The following MAGI2 variants were observed in gnomAD, a reference collection of about 807,000 sequenced individuals.
The protein encoded by MAGI2 is membrane associated guanylate kinase, WW and PDZ domain containing 2.
Under a neutral mutation model 133.3 loss-of-function variants are expected in MAGI2, and 35 were observed. The ratio of observed to expected loss-of-function variants is 0.26; its 90% CI spans 0.20 to 0.35. MAGI2 has a LOEUF of 0.35. Among genes scored for constraint, MAGI2 ranks in the 10% least tolerant of loss-of-function variants. The pLI is 1.00. For synonymous variants in MAGI2, 729 were observed against 710.6 expected (o/e 1.03, Z -0.41); for missense variants, 1,636 against 1,863.4 (o/e 0.88, Z 2.25).
At chr7:79,204,324 C>A (rs914234526) in intron 1 of MAGI2, among the ~76,000 whole-genome samples, 3 of 152,020 alleles carry the variant, frequency 2.0e-5, no homozygotes, top group African/African-American at 7.3e-5. Flanking sequence ...TGGCCCTGGG[C>A]TCAGGACAGC....
At chr7:78,666,802 T>C (rs1813640784) in intron 2 of MAGI2, among the ~76,000 whole-genome samples, 3 of 152,216 alleles carry the variant, frequency 2.0e-5, no homozygotes, top group Admixed American at 1.3e-4. Context: ...AGGTAGCGAA[T>C]GCTTTGCCTA....
chr7:78,960,043 A>G (rs1346870900), intron 2 of MAGI2, among the ~76,000 whole-genome samples: 1 of 152,154 alleles, frequency 6.6e-6, no homozygotes, highest in Non-Finnish European at 1.5e-5. Context: ...TACCTAGAGC[A>G]AGGATTCTAA....
intron 17 of MAGI2, chr7:78,134,786 C>T (rs1332302557): frequency 1.6e-5 from 7 of 432,560 alleles, no homozygotes; most frequent in Non-Finnish European, 2.9e-5. Flanking sequence ...ACTATTTAGC[C>T]TGCAATGTCA....
At chr7:78,915,392 G>C (rs1798709282) in intron 2 of MAGI2, among the ~76,000 whole-genome samples, 1 of 152,114 alleles carries the variant, frequency 6.6e-6, no homozygotes, top group Non-Finnish European at 1.5e-5. Flanking sequence ...GAGTTCCAGA[G>C]AGTGCAATTG....
chr7:79,197,556 A>C (rs886612510), intron 1 of MAGI2, among the ~76,000 whole-genome samples: 1 of 152,074 alleles, frequency 6.6e-6, no homozygotes, highest in African/African-American at 2.4e-5. Flanking sequence ...GTTGGTCTAC[A>C]TCTGGCTGGC....
chr7:78,342,553 C>G (rs1790500743), intron 9 of MAGI2, among the ~76,000 whole-genome samples: 1 of 152,178 alleles, frequency 6.6e-6, no homozygotes, highest in Admixed American at 6.5e-5. Flanking sequence ...AGACTTGGAA[C>G]CAACCTAAAT....
At chr7:78,915,142 G>A (rs575000752) in intron 2 of MAGI2, among the ~76,000 whole-genome samples, 9 of 152,088 alleles carry the variant, frequency 5.9e-5, no homozygotes, top group South Asian at 2.1e-4. Context: ...ATTTGCTCCC[G>A]CTATAATAAT....
At chr7:78,353,046 C>A (rs768210259) in intron 7 of MAGI2, 4 of 152,168 alleles carry the variant, frequency 2.6e-5, no homozygotes. Flanking sequence ...CTATCGATCC[C>A]TTTTCACTCC....
At chr7:79,342,655 T>G (rs1295209864) in intron 1 of MAGI2, among the ~76,000 whole-genome samples, 1 of 152,186 alleles carries the variant, frequency 6.6e-6, no homozygotes, top group Non-Finnish European at 1.5e-5. Context: ...TTGCTTTTCT[T>G]AGGTTACTTG....
At chr7:78,336,988 C>T (rs543001832) in intron 9 of MAGI2, among the ~76,000 whole-genome samples, 293 of 152,202 alleles carry the variant, frequency 1.9e-3, no homozygotes, top group Non-Finnish European at 3.4e-3. Context: ...TCTTCTCTCT[C>T]GTGTATGCTG....
intron 3 of MAGI2, among the ~76,000 whole-genome samples, chr7:78,593,618 G>A (rs1804280173): frequency 6.6e-6 from 1 of 152,142 alleles, no homozygotes; most frequent in African/African-American, 2.4e-5. Context: ...GCTCTTCCAT[G>A]AATTTTTGTC....
intron 2 of MAGI2, among the ~76,000 whole-genome samples, chr7:78,894,297 G>T (rs768278694): frequency 2.4e-4 from 37 of 152,170 alleles, no homozygotes; most frequent in Admixed American, 1.2e-3. Context: ...AGCTACTCCG[G>T]AGGCTGAGGC....
At chr7:78,722,873 T>C (rs1820399036) in intron 2 of MAGI2, among the ~76,000 whole-genome samples, 1 of 152,034 alleles carries the variant, frequency 6.6e-6, no homozygotes, top group South Asian at 2.1e-4. Flanking sequence ...TAGTCTAAAA[T>C]CAGAAGTCAT....
chr7:78,069,012 TTGTGAA>T (rs1814152174), intron 21 of MAGI2, among the ~76,000 whole-genome samples: 1 of 152,190 alleles, frequency 6.6e-6, no homozygotes, highest in Non-Finnish European at 1.5e-5. Context: ...CATTCTCACA[TTGTGAA>T]CTACAGGGCC....
intron 1 of MAGI2, among the ~76,000 whole-genome samples, chr7:79,033,306 A>G (rs1181832245): frequency 1.3e-5 from 2 of 152,238 alleles, no homozygotes; most frequent in Non-Finnish European, 2.9e-5. Context: ...TAAAGGTTTT[A>G]CACCATTTGG....
intron 20 of MAGI2, among the ~76,000 whole-genome samples, chr7:78,081,846 C>T (rs528931811): frequency 3.1e-4 from 47 of 152,206 alleles, no homozygotes; most frequent in African/African-American, 8.7e-4. Context: ...AGTTGAGTTG[C>T]GGTGTTGTCA....
chr7:78,126,400 G>A (rs771422711), intron 19 of MAGI2, among the ~76,000 whole-genome samples: 17 of 152,068 alleles, frequency 1.1e-4, no homozygotes, highest in Non-Finnish European at 4.4e-5. Context: ...AAATCTTTGG[G>A]CATAAAGTTG....
At chr7:78,176,529 C>T (rs1826627068) in intron 14 of MAGI2, among the ~76,000 whole-genome samples, 1 of 152,130 alleles carries the variant, frequency 6.6e-6, no homozygotes. Context: ...GCCAGGTTCC[C>T]ATTGGTTGCT....
chr7:78,877,289 C>T (rs535303194), intron 2 of MAGI2, among the ~76,000 whole-genome samples: 2 of 152,082 alleles, frequency 1.3e-5, no homozygotes, highest in African/African-American at 2.4e-5. Flanking sequence ...ATCTGCTAGA[C>T]GTTTGACTAG....
Sources: gnomAD v4.1 joint callset for allele counts (sites outside exome capture counted in the v4.1 genomes callset) on GRCh38, gnomAD v4.1.1 for gene constraint, MANE v1.5 for transcripts, NCBI Gene and HGNC (gene_info 2026-07-23, HGNC 2026-07-21) for gene names.